PLEKHA5: variants seen among roughly 807,000 people sequenced by gnomAD.
PLEKHA5 encodes pleckstrin homology domain-containing family A member 5.
PLEKHA5 carries 55 observed loss-of-function variants against 181.9 expected under a neutral mutation model. The ratio of observed to expected loss-of-function variants is 0.30; its 90% confidence interval spans 0.24 to 0.38. The LOEUF (loss-of-function observed/expected upper bound fraction) is 0.38. PLEKHA5 is among the 10% of genes least tolerant of loss of function. The pLI, the probability that PLEKHA5 is intolerant of heterozygous loss-of-function variation, is 1.00. For missense variants in PLEKHA5, 1,432 were observed against 1,549.5 expected, an observed-to-expected ratio of 0.92 and a Z score of 1.27; for synonymous variants, 535 against 529.4, an observed-to-expected ratio of 1.01 and a Z score of -0.15.
chr12:19,183,191 ATAT>A (rs1346018041), intron 3 of PLEKHA5, among the ~76,000 whole-genome samples: 2 of 152,188 alleles, frequency 1.3e-5, no homozygotes, highest in African/African-American at 4.8e-5. Context: ...TGAAAAGGAA[ATAT>A]TATTGTATTT....
intron 3 of PLEKHA5, among the ~76,000 whole-genome samples, chr12:19,250,689 C>T (rs1395378674): frequency 6.6e-6 from 1 of 151,796 alleles, no homozygotes; most frequent in African/African-American, 2.4e-5. Context: ...TTTTTATTCT[C>T]GGTTTTTATT....
intron 15 of PLEKHA5, among the ~76,000 whole-genome samples, chr12:19,310,103 G>A (rs967089808): frequency 6.6e-6 from 1 of 152,092 alleles, no homozygotes; most frequent in Non-Finnish European, 1.5e-5. Flanking sequence ...ATGTAAATCT[G>A]TATTACCTGT....
chr12:19,188,933 A>G (rs747930143), intron 3 of PLEKHA5, among the ~76,000 whole-genome samples: 2 of 152,224 alleles, frequency 1.3e-5, no homozygotes, highest in Non-Finnish European at 2.9e-5. Context: ...ACCTCTGGTA[A>G]CTTTTGGGGT....
chr12:19,136,367 T>C (rs180722496), intron 3 of PLEKHA5, among the ~76,000 whole-genome samples: 1 of 152,232 alleles, frequency 6.6e-6, no homozygotes, highest in Non-Finnish European at 1.5e-5. Flanking sequence ...TGCTGTTATC[T>C]TTATGAAGAA....
chr12:19,232,765 A>G (rs2060827331), intron 3 of PLEKHA5, among the ~76,000 whole-genome samples: 1 of 152,116 alleles, frequency 6.6e-6, no homozygotes, highest in African/African-American at 2.4e-5. Context: ...GAAAACCAAG[A>G]TGATAGCATG....
chr12:19,288,094 A>AG (rs770643410), intron 13 of PLEKHA5: 427 of 329,988 alleles, frequency 1.3e-3, no homozygotes, highest in South Asian at 5.2e-3. Context: ...AAAAAAAAAA[A>AG]AAAGAAACTT....
chr12:19,265,618 T>C (rs1230351198), intron 7 of PLEKHA5, 132 bp from the exon 8 acceptor site: 11 of 589,248 alleles, frequency 1.9e-5, no homozygotes, highest in African/African-American at 3.8e-5. Flanking sequence ...TAAAACCTTA[T>C]AAAGGCCTGC....
chr12:19,279,408 A>G (rs2075456087), intron 11 of PLEKHA5, among the ~76,000 whole-genome samples: 1 of 152,114 alleles, frequency 6.6e-6, no homozygotes, highest in South Asian at 2.1e-4. Context: ...CACACCTGTA[A>G]TCCTGGCACT....
At chr12:19,178,630 T>G (rs1319021718) in intron 3 of PLEKHA5, among the ~76,000 whole-genome samples, 1 of 152,208 alleles carries the variant, frequency 6.6e-6, no homozygotes, top group African/African-American at 2.4e-5. Flanking sequence ...TAGTGAGAGA[T>G]CCAGGATTTT....
At chr12:19,147,530 T>C (rs983477981) in intron 3 of PLEKHA5, among the ~76,000 whole-genome samples, 2 of 152,050 alleles carry the variant, frequency 1.3e-5, no homozygotes, top group African/African-American at 4.8e-5. Context: ...GGAGTGACTA[T>C]GAAAAGACAA....
chr12:19,278,382 T>G (rs1468684474), intron 11 of PLEKHA5, among the ~76,000 whole-genome samples: 1 of 152,186 alleles, frequency 6.6e-6, no homozygotes, highest in East Asian at 1.9e-4. Context: ...TGAACTATAA[T>G]TTAGATATTA....
At chr12:19,196,485 C>T (rs1156880277) in intron 3 of PLEKHA5, among the ~76,000 whole-genome samples, 1 of 152,184 alleles carries the variant, frequency 6.6e-6, no homozygotes, top group Non-Finnish European at 1.5e-5. Context: ...AAGAGTGTCT[C>T]TTACAAAGCA....
intron 29 of PLEKHA5, among the ~76,000 whole-genome samples, chr12:19,364,210 A>G (rs1356462295): frequency 6.6e-6 from 1 of 152,106 alleles, no homozygotes; most frequent in African/African-American, 2.4e-5. Flanking sequence ...TGGGAGTCAG[A>G]GTATCATTGT....
chr12:19,139,752 C>T (rs2036746303), intron 3 of PLEKHA5, among the ~76,000 whole-genome samples: 1 of 152,202 alleles, frequency 6.6e-6, no homozygotes, highest in Admixed American at 6.5e-5. Flanking sequence ...AGAGGCATTT[C>T]TCACAGTTAA....
At chr12:19,181,604 G>A (rs773837683) in intron 3 of PLEKHA5, among the ~76,000 whole-genome samples, 7 of 152,154 alleles carry the variant, frequency 4.6e-5, no homozygotes, top group South Asian at 2.1e-4. Context: ...GTGAAACCCC[G>A]TCTCTACTAA....
At chr12:19,196,113 T>C (rs903953937) in intron 3 of PLEKHA5, among the ~76,000 whole-genome samples, 6 of 152,192 alleles carry the variant, frequency 3.9e-5, no homozygotes, top group Non-Finnish European at 8.8e-5. Context: ...ATTTCTTGAA[T>C]AATATTTTAT....
At chr12:19,242,128 T>C (rs2062740749) in intron 3 of PLEKHA5, among the ~76,000 whole-genome samples, 1 of 152,234 alleles carries the variant, frequency 6.6e-6, no homozygotes, top group South Asian at 2.1e-4. Flanking sequence ...ATGGATGTGA[T>C]AGGTACATTT....
chr12:19,280,570 T>G (rs2075851406), intron 11 of PLEKHA5, among the ~76,000 whole-genome samples: 1 of 152,126 alleles, frequency 6.6e-6, no homozygotes, highest in Non-Finnish European at 1.5e-5. Flanking sequence ...AAAAAGTTGT[T>G]AACTAAACAT....
chr12:19,329,354 A>G (rs1288071404), intron 20 of PLEKHA5, among the ~76,000 whole-genome samples: 2 of 152,150 alleles, frequency 1.3e-5, no homozygotes, highest in East Asian at 1.9e-4. Context: ...GCTTCATAGA[A>G]TGAGTTAAAG....
Sources: gnomAD v4.1 joint callset for allele counts (sites outside exome capture counted in the v4.1 genomes callset) on GRCh38, gnomAD v4.1.1 for gene constraint, MANE v1.5 for transcripts, NCBI Gene and HGNC (gene_info 2026-07-23, HGNC 2026-07-21) for gene names.